Variants in RYR1 observed in about 807,000 individuals in gnomAD.
RYR1 encodes the protein ryanodine receptor 1, also known as central core disease of muscle.
Under a neutral mutation model 583.5 loss-of-function variants are expected in RYR1, and 342 were observed. The observed-to-expected ratio is 0.59, with a 90% CI of 0.54 to 0.64. The LOEUF (loss-of-function observed/expected upper bound fraction) is 0.64. RYR1 is among the 30% of genes least tolerant of loss of function. The pLI, the probability that RYR1 is intolerant of heterozygous loss-of-function variation, is 0.00. For synonymous variants in RYR1, 2,791 were observed against 2,822.5 expected (o/e 0.99, Z 0.35); for missense variants, 6,032 against 6,917.2 (o/e 0.87, Z 4.54).
chr19:38,512,135 AG>A lies in RYR1; in HGVS notation c.9233+6del, dbSNP rs757394018. On this transcript the variant is annotated splice_donor_region_variant and intron_variant, in intron 62 of 105. Transcript: ENST00000359596. This position sits in a 1 kb window ranked among gnomAD's most constrained non-coding sequence, Gnocchi z 5.1. ...CTGGCCCGCTCCCTGGATGCCAGGT[AG>A]GGCCATAGGCAGTGGCGCCCACTCC... is the stretch of plus-strand genomic sequence containing the variant. The A allele has an allele frequency of 1.6e-5, 26 of 1,614,020 alleles. No individual in the cohort carries two copies. The South Asian group carries it at 2.7e-4, about 17-fold the overall frequency.
intron 27 of RYR1, 132 bp from the exon 28 acceptor site, chr19:38,473,245 G>C (rs1968522062): frequency 8.7e-6 from 10 of 1,147,228 alleles, no homozygotes; most frequent in African/African-American, 1.5e-5. Context: ...CTGCAGGAGT[G>C]GGGGGCCCTT....
intron 29 of RYR1, among the ~76,000 whole-genome samples, chr19:38,475,827 T>G (rs1489361925): frequency 6.6e-6 from 1 of 152,218 alleles, no homozygotes; most frequent in South Asian, 2.1e-4. Context: ...AATTCATAAT[T>G]GTCTTAATAT....
At chr19:38,513,586 G>A (rs185224386) in intron 63 of RYR1, among the ~76,000 whole-genome samples, 43 of 151,764 alleles carry the variant, frequency 2.8e-4, no homozygotes, top group African/African-American at 8.9e-4. Context: ...GAAGAAAATT[G>A]TTGGCGGGGC....
chr19:38,560,488 G>A (rs1973076652), intron 89 of RYR1, among the ~76,000 whole-genome samples: 1 of 152,116 alleles, frequency 6.6e-6, no homozygotes, highest in Admixed American at 6.6e-5. Context: ...CTGCACTTTG[G>A]GAGGCCGAGG....
Position 38,543,512 on chromosome 19 carries a change from A to AC in RYR1, c.11779-17dup, listed in dbSNP as rs1568557794. 6.2e-7 allele frequency: 1 copy of AC among 1,613,816 alleles called. No homozygotes were observed. Among genetic ancestry groups the AC allele is most frequent in the Admixed American group, 1.7e-5 (1 of 59,988 alleles). On this transcript the variant is annotated intron_variant, in intron 85 of 105. Coordinates refer to ENST00000359596, the MANE Select transcript of RYR1 (RefSeq NM_000540.3). This position sits in a 1 kb window ranked among gnomAD's most constrained non-coding sequence, Gnocchi z 4.4. ...ATGGTCGGCCCCAGCACCCCCTCACACCCTACCCGCCCCCACCAGGAATCC... is the reference window on the plus strand; with the variant it reads ...ATGGTCGGCCCCAGCACCCCCTCACACCCCTACCCGCCCCCACCAGGAATCC...
Position 38,535,157 on chromosome 19 carries a change from G to A in RYR1, c.11376G>A (p.Met3792Ile). The A allele has an allele frequency of 1.2e-6, 2 of 1,613,932 alleles. No homozygotes were observed. The highest frequency in any genetic ancestry group is 8.5e-7 in the Non-Finnish European group (1 of 1,180,024). Residue 3792 changes from methionine to isoleucine, a missense_variant, in exon 80 of 106, where the codon ATG (methionine) becomes ATA (isoleucine). This residue lies in a region of RYR1 where 1,493 missense variants were observed against 1,715.5 expected (regional missense o/e 0.87). Coordinates refer to ENST00000359596, the MANE Select transcript of RYR1 (RefSeq NM_000540.3). ...ISACKGETGA[M>I]VSSTLKLGIS... Reference sequence around the variant, plus strand: ...TCCCTCCAGGAGAGACAGGTGCCATGGTGTCCTCCACCCTGAAGCTGGGCA... The same window carrying A: ...TCCCTCCAGGAGAGACAGGTGCCATAGTGTCCTCCACCCTGAAGCTGGGCA...
At chr19:38,535,848 A>T in intron 81 of RYR1, 149 bp from the exon 82 acceptor site, 1 of 759,150 alleles carries the variant, frequency 1.3e-6, no homozygotes, top group South Asian at 1.5e-5. Context: ...GCTTCTGCCA[A>T]CTCTTCATTT....
chr19:38,494,361 A>C lies in RYR1; in HGVS notation c.6284A>C (p.Gln2095Pro), dbSNP rs1369035565. Residue 2095 changes from glutamine to proline, a missense_variant, in exon 39 of 106, where the codon CAG becomes CCG. This residue lies in a region of RYR1 where 2,627 missense variants were observed against 2,961.3 expected (regional missense o/e 0.89). Transcript: ENST00000359596. ...ATTGTCTCCTTCCCAGGGTCCCTGC[A>C]GGAGCTGGTGTCCCACATGGTGGTG... The part of the protein sequence containing the change: ...SAEESKPRSL[Q>P]ELVSHMVVRW... 8 of 1,611,468 alleles carry C rather than the reference A, an allele frequency of 5.0e-6. No individual in the cohort carries two copies. Among genetic ancestry groups the C allele is most frequent in the African/African-American group, 1.3e-5 (1 of 74,974 alleles).
chr19:38,518,289 A>G (rs1170396556), intron 66 of RYR1, among the ~76,000 whole-genome samples: 1 of 151,856 alleles, frequency 6.6e-6, no homozygotes. Context: ...GCCAGGCACA[A>G]TGGCTCATGC....
chr19:38,458,980 C>A (rs1299495308), intron 18 of RYR1, among the ~76,000 whole-genome samples, 166 bp from the exon 19 acceptor site: 5 of 152,182 alleles, frequency 3.3e-5, no homozygotes, highest in Non-Finnish European at 7.4e-5. Context: ...GAACCCTGAC[C>A]TCTGCCCTTC....
intron 22 of RYR1, 49 bp from the exon 23 acceptor site, chr19:38,464,590 A>C: frequency 6.7e-7 from 1 of 1,484,944 alleles, no homozygotes; most frequent in Non-Finnish European, 9.2e-7. Flanking sequence ...GAGACGGGGC[A>C]GGGAGCTCTG....
At position 38,578,214 on chromosome 19, in the gene RYR1, G is replaced by A. The variant is rs1397022673; in HGVS notation, c.14364+10G>A. The A allele has an allele frequency of 8.7e-6, 14 of 1,612,972 alleles. No homozygotes were observed. The highest frequency in any genetic ancestry group is 1.1e-5 in the South Asian group (1 of 90,924). ...CATCTTCACAGACAACGTGAGCAGGGGCCCACAGACTGGGGAGGGACTCTG... is the reference window on the plus strand; with the variant it reads ...CATCTTCACAGACAACGTGAGCAGGAGCCCACAGACTGGGGAGGGACTCTG... On this transcript the variant is annotated intron_variant, in intron 99 of 105. Transcript: ENST00000359596.
chr19:38,492,739 A>G, intron 38 of RYR1, 103 bp downstream of exon 38: 2 of 1,216,560 alleles, frequency 1.6e-6, no homozygotes, highest in East Asian at 2.6e-5. Context: ...GATGCAAGGG[A>G]GGGGTAGATA....
At chr19:38,514,893 TCGTACA>T (rs1970887056) in intron 63 of RYR1, 127 bp from the exon 64 acceptor site, 1 of 702,036 alleles carries the variant, frequency 1.4e-6, no homozygotes. Flanking sequence ...GTCACAAGAC[TCGTACA>T]TGGAAGGCTG....
At chr19:38,435,629 G>A (rs560890485) in intron 1 of RYR1, among the ~76,000 whole-genome samples, 40 of 152,034 alleles carry the variant, frequency 2.6e-4, no homozygotes, top group Non-Finnish European at 4.4e-4. Context: ...TTAGCTACTC[G>A]GGAGGCTGAA....
At chr19:38,468,710 C>CT (rs1968257032) in intron 25 of RYR1, among the ~76,000 whole-genome samples, 1 of 152,182 alleles carries the variant, frequency 6.6e-6, no homozygotes, top group East Asian at 1.9e-4. Flanking sequence ...CTGCATAATG[C>CT]TAGCCATGGC....
At chr19:38,460,796 G>A (rs1967696361) in intron 20 of RYR1, among the ~76,000 whole-genome samples, 5 of 152,148 alleles carry the variant, frequency 3.3e-5, no homozygotes, top group Admixed American at 3.3e-4. Context: ...TGGCCAACAC[G>A]GTGAAAGTGA....
intron 38 of RYR1, among the ~76,000 whole-genome samples, chr19:38,493,479 C>T (rs1322300911): frequency 6.6e-6 from 1 of 151,920 alleles, no homozygotes; most frequent in African/African-American, 2.4e-5. Context: ...AGTCAAAGCC[C>T]CTGCCCACGA....
chr19:38,505,364 C>T lies in RYR1; in HGVS notation c.8366C>T (p.Pro2789Leu). 6.2e-7 allele frequency: 1 copy of T among 1,612,290 alleles called. No individual in the cohort carries two copies. Among genetic ancestry groups the T allele is most frequent in the Non-Finnish European group, 8.5e-7 (1 of 1,179,204 alleles). ...ATAGACGAGGAGCTGAAGACCCACC[C>T]CATGCTGAGGCCCTACAAGACCTTT... Reference protein sequence around the residue: ...ENIDEELKTHPMLRPYKTFSE... With the variant: ...ENIDEELKTHLMLRPYKTFSE... The change falls in exon 53 of 106, where the codon CCC becomes CTC. Residue 2789 changes from proline (P) to leucine (L), a missense_variant. Pro to Leu is a moderately conservative substitution (Grantham distance 98). This residue lies in a region of RYR1 where 1,493 missense variants were observed against 1,715.5 expected (regional missense o/e 0.87). Coordinates refer to ENST00000359596, the MANE Select transcript of RYR1 (RefSeq NM_000540.3).
Sources: gnomAD v4.1 joint callset for allele counts (sites outside exome capture counted in the v4.1 genomes callset) on GRCh38, gnomAD v4.1.1 for gene constraint, gnomAD v4.1.1 regional missense constraint, Gnocchi (gnomAD v3.1) non-coding constraint, MANE v1.5 for transcripts, NCBI Gene and HGNC (gene_info 2026-07-23, HGNC 2026-07-21) for gene names.